Variants in RCN2 observed in about 807,000 individuals in gnomAD.
RCN2 encodes reticulocalbin 2, also known as reticulocalbin-2.
In RCN2, 23 loss-of-function variants were observed where a neutral mutation model predicts 37.5. The ratio of observed to expected loss-of-function variants is 0.61; its 90% CI spans 0.44 to 0.87. The LOEUF is 0.87. RCN2 is among the 40% of genes least tolerant of loss of function. The pLI is 0.00. For missense variants in RCN2, 381 were observed against 390.4 expected (o/e 0.98, Z 0.20); for synonymous variants, 140 against 144.6 (o/e 0.97, Z 0.23).
In RCN2 at chr15:76,941,656, AAC is replaced by A. The variant is rs1476124361; in HGVS notation, c.448-2100_448-2099del. Reference sequence around the variant, plus strand: ...TTTTAGGAATTTGCCATTTGTAAAAAACAGTCTTTCTGTTTTTGGCTTCTTCG... The same window carrying A: ...TTTTAGGAATTTGCCATTTGTAAAAAAGTCTTTCTGTTTTTGGCTTCTTCG... On this transcript the variant is annotated intron_variant, in intron 3 of 6. Coordinates refer to ENST00000394885, the MANE Select transcript of RCN2 (RefSeq NM_002902.3). 7.3e-6 allele frequency: 11 copies of A among 1,505,778 alleles called. No homozygotes were observed. In the African/African-American group the frequency reaches 1.1e-4, roughly 15 times the overall value. 93.3% of individuals were successfully genotyped at this position (1,505,778 alleles called of 1,614,324 possible).
chr15:76,943,665 G>A (rs2075284039), intron 3 of RCN2, 93 bp from the exon 4 acceptor site: 11 of 671,218 alleles, frequency 1.6e-5, no homozygotes, highest in South Asian at 7.7e-5. Context: ...ATGAGATAAC[G>A]GATGGGAATG....
chr15:76,939,642 A>G (rs556055801), intron 3 of RCN2, among the ~76,000 whole-genome samples: 2 of 152,330 alleles, frequency 1.3e-5, no homozygotes, highest in East Asian at 1.9e-4. Context: ...CCCATTTACT[A>G]TAGGAATTAA....
intron 3 of RCN2, among the ~76,000 whole-genome samples, chr15:76,937,086 C>G (rs913241829): frequency 1.3e-5 from 2 of 152,214 alleles, no homozygotes; most frequent in African/African-American, 2.4e-5. Context: ...CAAGATTCTT[C>G]CATTTTGTAG....
chr15:76,949,336 A>G lies in RCN2; in HGVS notation c.*114A>G. 1 of 704,266 alleles carries G rather than the reference A, an allele frequency of 1.4e-6. No individual in the cohort carries two copies. Among genetic ancestry groups the G allele is most frequent in the Non-Finnish European group, 2.1e-6 (1 of 480,124 alleles). The allele number at this position is 704,266 out of a possible 1,614,324, so 43.6% of individuals were successfully genotyped here. On this transcript the variant is annotated 3_prime_UTR_variant, in exon 7 of 7. Coordinates refer to ENST00000394885, the MANE Select transcript of RCN2 (RefSeq NM_002902.3). ...ACACTCTTAAGTCTTAACCACAGTC[A>G]GAATTATCTTAATGTAGATTATAAT...
chr15:76,949,863 C>T lies in RCN2; in HGVS notation c.*641C>T, dbSNP rs1431517990. 2 of 152,444 alleles carry T rather than the reference C, an allele frequency of 1.3e-5. No individual in the cohort carries two copies. Among genetic ancestry groups the T allele is most frequent in the South Asian group, 2.1e-4 (1 of 4,828 alleles). The allele number at this position is 152,444 out of a possible 1,614,324, so 9.4% of individuals were successfully genotyped here. On this transcript the variant is annotated 3_prime_UTR_variant, in exon 7 of 7. Coordinates refer to ENST00000394885, the MANE Select transcript of RCN2 (RefSeq NM_002902.3). ...GAGTGGAATTTGACATTGTCCAAAC[C>T]TTTTTCATTTTTGAGTGATTAAAAA...
chr15:76,938,759 A>T (rs1339968002), intron 3 of RCN2: 1 of 455,872 alleles, frequency 2.2e-6, no homozygotes, highest in African/African-American at 2.0e-5. Context: ...CCATCCTCAG[A>T]GCCAGTCTGC....
rs148055730 is a variant in RCN2 at position 76,948,595 on chromosome 15, C to T, written c.801+43C>T. ...ACTGTTTCTCTCCACCCCCTCCCCC[C>T]GAATTTGGTGCTGTTGATAGGAAAA... On this transcript the variant is annotated intron_variant, in intron 6 of 6. Transcript: ENST00000394885. The T allele has an allele frequency of 4.3e-4, 627 of 1,465,146 alleles. 7 individuals are homozygous for T. In the East Asian group the frequency reaches 0.011, roughly 27 times the overall value. 90.8% of individuals were successfully genotyped at this position (1,465,146 alleles called of 1,614,324 possible). A position where few individuals can be genotyped will look rare whatever the true frequency, so the allele number is the denominator to read the frequency against.
intron 3 of RCN2, among the ~76,000 whole-genome samples, chr15:76,940,733 G>GT (rs1192947868): frequency 6.6e-6 from 1 of 150,966 alleles, no homozygotes; most frequent in Non-Finnish European, 1.5e-5. Flanking sequence ...TTTTGTTTTT[G>GT]TTTTTTTTAG....
At position 76,931,810 on chromosome 15, in the gene RCN2, G is replaced by A; in HGVS notation, c.-32G>A. ...CGGGCCCCCGCCAGCCTCCCTCCTC[G>A]CGTCCCTCGGTGTCCTCCGCGGGCC... is the stretch of plus-strand genomic sequence containing the variant. On this transcript the variant is annotated 5_prime_UTR_variant, in exon 1 of 7. Coordinates refer to ENST00000394885, the MANE Select transcript of RCN2 (RefSeq NM_002902.3). 1 of 1,203,570 alleles carries A rather than the reference G, an allele frequency of 8.3e-7. No homozygotes were observed. The highest frequency in any genetic ancestry group is 1.0e-6 in the Non-Finnish European group (1 of 969,978). 74.6% of individuals were successfully genotyped at this position (1,203,570 alleles called of 1,614,324 possible). A position where few individuals can be genotyped will look rare whatever the true frequency, so the allele number is the denominator to read the frequency against.
chr15:76,944,106 C>T (rs2152651227), intron 4 of RCN2, among the ~76,000 whole-genome samples: 1 of 151,140 alleles, frequency 6.6e-6, no homozygotes, highest in South Asian at 2.1e-4. Flanking sequence ...CATTCTCCTG[C>T]CTCAGCCTCT....
rs569964687 is a variant in RCN2, at chr15:76,943,922, A to G, written c.561+51A>G. 3.2e-4 allele frequency: 334 copies of G among 1,052,328 alleles called. 8 individuals carry two copies. The highest frequency in any genetic ancestry group is 2.1e-3 in the South Asian group (143 of 68,794). 65.2% of individuals were successfully genotyped at this position (1,052,328 alleles called of 1,614,324 possible). A position where few individuals can be genotyped will look rare whatever the true frequency, so the allele number is the denominator to read the frequency against. On this transcript the variant is annotated intron_variant, in intron 4 of 6. Coordinates refer to ENST00000394885, the MANE Select transcript of RCN2 (RefSeq NM_002902.3). ...ATTATTGAGTGACCAAAACTTTAAA[A>G]AAATATATTTAAAATTTTTGTGGGT...
At chr15:76,948,015 A>C in intron 5 of RCN2, 1 of 163,740 alleles carries the variant, frequency 6.1e-6, no homozygotes, top group East Asian at 1.8e-4. Flanking sequence ...ATTGGTCACC[A>C]GTTTTACTTA....
intron 2 of RCN2, 142 bp from the exon 3 acceptor site, chr15:76,935,384 C>T: frequency 1.6e-6 from 1 of 618,288 alleles, no homozygotes; most frequent in Non-Finnish European, 2.8e-6. Flanking sequence ...ACTTCCTACC[C>T]CATTTCTATT....
chr15:76,940,546 C>CTTTT (rs11463370), intron 3 of RCN2, among the ~76,000 whole-genome samples: 3 of 119,642 alleles, frequency 2.5e-5, no homozygotes, highest in Admixed American at 9.9e-5. Context: ...TGAACTTCAC[C>CTTTT]TTTTTTTTTT....
chr15:76,944,914 A>C (rs1043541473), intron 4 of RCN2, among the ~76,000 whole-genome samples: 3 of 152,222 alleles, frequency 2.0e-5, no homozygotes, highest in African/African-American at 7.2e-5. Flanking sequence ...TTGCTGGATC[A>C]TATGGTAGCT....
At chr15:76,940,040 T>A (rs935389057) in intron 3 of RCN2, among the ~76,000 whole-genome samples, 3 of 152,182 alleles carry the variant, frequency 2.0e-5, no homozygotes, top group Admixed American at 6.5e-5. Flanking sequence ...ATGAATTAGA[T>A]GAATCTTAAC....
At chr15:76,948,327 C>T in intron 5 of RCN2, 83 bp from the exon 6 acceptor site, 1 of 934,752 alleles carries the variant, frequency 1.1e-6, no homozygotes, top group Non-Finnish European at 1.5e-6. Context: ...AATTCACTTC[C>T]TTTATTCTAG....
chr15:76,932,621 T>A (rs2075229350), intron 2 of RCN2, among the ~76,000 whole-genome samples, 155 bp downstream of exon 2: 1 of 152,198 alleles, frequency 6.6e-6, no homozygotes, highest in Non-Finnish European at 1.5e-5. Context: ...TACAAATCTT[T>A]AGACACTGAG....
chr15:76,938,656 A>T (rs968930089), intron 3 of RCN2: 1 of 440,000 alleles, frequency 2.3e-6, no homozygotes, highest in Non-Finnish European at 4.7e-6. Flanking sequence ...ATTTAGAATC[A>T]TATTGGCCGC....
Sources: gnomAD v4.1 joint callset for allele counts (sites outside exome capture counted in the v4.1 genomes callset) on GRCh38, gnomAD v4.1.1 for gene constraint, MANE v1.5 for transcripts, NCBI Gene and HGNC (gene_info 2026-07-23, HGNC 2026-07-21) for gene names.